FOCAD: variants seen among roughly 807,000 people sequenced by gnomAD.
FOCAD encodes the protein KIAA1797.
FOCAD carries 198 observed loss-of-function variants against 225.6 expected under a neutral mutation model. The observed-to-expected ratio is 0.88, with a 90% CI of 0.78 to 0.99. FOCAD has a LOEUF of 0.99. FOCAD is among the 50% of genes least tolerant of loss of function. The pLI is 0.00. For missense variants in FOCAD, 2,713 were observed against 2,123.6 expected (o/e 1.28, Z -5.46); for synonymous variants, 897 against 755.0 (o/e 1.19, Z -3.08).
intron 15 of FOCAD, among the ~76,000 whole-genome samples, chr9:20,844,510 G>A (rs1826884204): frequency 6.6e-6 from 1 of 151,626 alleles, no homozygotes; most frequent in South Asian, 2.1e-4. Flanking sequence ...ACAGGCATGT[G>A]CCACCACACA....
intron 26 of FOCAD, among the ~76,000 whole-genome samples, chr9:20,928,248 T>A (rs1035023790): frequency 6.6e-6 from 1 of 152,166 alleles, no homozygotes. Flanking sequence ...AGGTTTTGCA[T>A]TACCATACTT....
rs1828873398 is a variant in FOCAD at position 20,862,606 on chromosome 9, C to A, written c.1949C>A (p.Ala650Asp). 19 of 1,613,352 alleles carry A rather than the reference C, an allele frequency of 1.2e-5. No homozygotes were observed. The highest frequency in any genetic ancestry group is 1.5e-5 in the Non-Finnish European group (18 of 1,179,562). ...EVVCIRSTWN[A>D]LSPKLSCDTR... ...GTTTGCATTCGCTCCACTTGGAATG[C>A]TCTCTCTCCAAAGCTGAGTTGTGAC... The change falls in exon 16 of 44, where the codon GCT (alanine) becomes GAT (aspartate). Residue 650 changes from alanine (A) to aspartate (D), a missense_variant. By Grantham distance (126) the Ala-to-Asp change is moderately radical. Transcript: ENST00000338382.
intron 4 of FOCAD, among the ~76,000 whole-genome samples, chr9:20,731,721 G>A (rs926980543): frequency 8.5e-5 from 13 of 152,158 alleles, no homozygotes; most frequent in Middle Eastern, 3.4e-3. Context: ...GGGTTCAAGC[G>A]ATTCTCCTGC....
intron 8 of FOCAD, among the ~76,000 whole-genome samples, chr9:20,775,164 G>A (rs986931154): frequency 2.6e-5 from 4 of 152,064 alleles, no homozygotes; most frequent in South Asian, 2.1e-4. Context: ...CATTGAAAAT[G>A]GATTTATTTC....
intron 5 of FOCAD, among the ~76,000 whole-genome samples, chr9:20,756,505 A>G (rs978981417): frequency 5.3e-5 from 8 of 152,210 alleles, no homozygotes; most frequent in East Asian, 3.8e-4. Flanking sequence ...AATTACCTGT[A>G]GAATTTTAAA....
At chr9:20,849,422 A>G (rs758216370) in intron 15 of FOCAD, among the ~76,000 whole-genome samples, 1 of 151,044 alleles carries the variant, frequency 6.6e-6, no homozygotes, top group Non-Finnish European at 1.5e-5. Context: ...TATATTATAG[A>G]TGTTTTTCTG....
chr9:20,781,719 A>T lies in FOCAD; in HGVS notation c.995-8A>T. The T allele has an allele frequency of 6.2e-7, 1 of 1,612,516 alleles. No homozygotes were observed. The highest frequency in any genetic ancestry group is 1.1e-5 in the South Asian group (1 of 90,990). On this transcript the variant is annotated splice_polypyrimidine_tract_variant and splice_region_variant and intron_variant, in intron 9 of 43. Transcript: ENST00000338382. ...TTTAAAAATGTGCATTATTGTTTTGATGAATAGCTTTGAAGCTCCTCTCTG... is the reference window on the plus strand; with the variant it reads ...TTTAAAAATGTGCATTATTGTTTTGTTGAATAGCTTTGAAGCTCCTCTCTG...
intron 19 of FOCAD, among the ~76,000 whole-genome samples, chr9:20,878,759 T>G (rs1830434933): frequency 6.6e-6 from 1 of 152,174 alleles, no homozygotes; most frequent in Non-Finnish European, 1.5e-5. Context: ...AGCTGGAGAC[T>G]GGGATTCTGG....
intron 28 of FOCAD, among the ~76,000 whole-genome samples, chr9:20,943,242 C>T (rs1051030697): frequency 1.3e-5 from 2 of 152,112 alleles, no homozygotes; most frequent in Middle Eastern, 3.2e-3. Context: ...GTTAAGTTTA[C>T]GAAGCTGTAA....
At chr9:20,946,645 G>T (rs147205398) in intron 29 of FOCAD, 56 bp from the exon 30 acceptor site, 13 of 1,561,384 alleles carry the variant, frequency 8.3e-6, no homozygotes, top group Non-Finnish European at 1.0e-5. Context: ...CAACTAAACC[G>T]AGTTCTTTTA....
intron 16 of FOCAD, chr9:20,863,594 T>A (rs1364036487): frequency 2.6e-5 from 4 of 152,100 alleles, no homozygotes; most frequent in Admixed American, 2.6e-4. Context: ...ACAGAATATT[T>A]TAGTTTATTC....
At chr9:20,802,556 G>C (rs552934250) in intron 11 of FOCAD, among the ~76,000 whole-genome samples, 1 of 152,088 alleles carries the variant, frequency 6.6e-6, no homozygotes, top group Non-Finnish European at 1.5e-5. Flanking sequence ...TGGTATGTGT[G>C]TTGTTGACTC....
intron 2 of FOCAD, among the ~76,000 whole-genome samples, chr9:20,667,500 A>G (rs1587181532): frequency 1.3e-5 from 2 of 152,204 alleles, no homozygotes. Flanking sequence ...CTTTGTTTTA[A>G]CCTCATCCAA....
intron 2 of FOCAD, chr9:20,716,032 T>C (rs1825300898): frequency 2.7e-6 from 1 of 366,396 alleles, no homozygotes; most frequent in South Asian, 2.5e-5. Context: ...GCAGAAGCCA[T>C]CTTGAAGACT....
At chr9:20,989,996 G>C in intron 41 of FOCAD, 127 bp from the exon 42 acceptor site, 1 of 1,026,000 alleles carries the variant, frequency 9.7e-7, no homozygotes, top group Non-Finnish European at 1.5e-6. Context: ...GTGGGGGTAG[G>C]GCAGGAGGGA....
intron 24 of FOCAD, 135 bp from the exon 25 acceptor site, chr9:20,923,525 A>G (rs865879316): frequency 3.2e-6 from 2 of 617,316 alleles, no homozygotes; most frequent in Admixed American, 2.8e-5. Flanking sequence ...AACACAACAA[A>G]CAGACCTGCA....
intron 14 of FOCAD, among the ~76,000 whole-genome samples, chr9:20,822,043 C>T (rs1428914532): frequency 2.8e-5 from 4 of 144,280 alleles, no homozygotes; most frequent in Non-Finnish European, 4.5e-5. Flanking sequence ...TGTGTGTAAC[C>T]CAAGAATTGG....
chr9:20,722,751 C>T (rs938213546), intron 4 of FOCAD, among the ~76,000 whole-genome samples: 1 of 152,108 alleles, frequency 6.6e-6, no homozygotes, highest in Non-Finnish European at 1.5e-5. Flanking sequence ...TTTTATGTGT[C>T]TCTTGTTTTC....
At chr9:20,845,581 A>T (rs1245304041) in intron 15 of FOCAD, among the ~76,000 whole-genome samples, 1 of 151,700 alleles carries the variant, frequency 6.6e-6, no homozygotes. Flanking sequence ...TGCTACAGTG[A>T]TCAGCTTTAG....
Sources: gnomAD v4.1 joint callset for allele counts (sites outside exome capture counted in the v4.1 genomes callset) on GRCh38, gnomAD v4.1.1 for gene constraint, MANE v1.5 for transcripts, NCBI Gene and HGNC (gene_info 2026-07-23, HGNC 2026-07-21) for gene names.